PCDHGA5: variants seen among roughly 807,000 people sequenced by gnomAD.
The protein encoded by PCDHGA5 is protocadherin gamma subfamily A, 5, also known as protocadherin gamma-A5.
In PCDHGA5, 36 loss-of-function variants were observed where a neutral mutation model predicts 56.7. That is an observed-to-expected ratio of 0.64 (90% CI 0.49 to 0.84). PCDHGA5 has a LOEUF of 0.84. Among genes scored for constraint, PCDHGA5 ranks in the 40% least tolerant of loss-of-function variants. The pLI, the probability that PCDHGA5 is intolerant of heterozygous loss-of-function variation, is 0.00. For synonymous variants in PCDHGA5, 563 were observed against 520.2 expected, an observed-to-expected ratio of 1.08 and a Z score of -1.12; for missense variants, 1,305 against 1,201.5, an observed-to-expected ratio of 1.09 and a Z score of -1.27.
intron 1 of PCDHGA5, chr5:141,389,451 C>T: frequency 6.2e-7 from 1 of 1,610,536 alleles, no homozygotes; most frequent in South Asian, 1.1e-5. Context: ...CCACGAGCAG[C>T]TGCGCGCCTT....
chr5:141,424,203 GC>G (rs777832241), intron 1 of PCDHGA5: 3 of 175,740 alleles, frequency 1.7e-5, no homozygotes, highest in Non-Finnish European at 3.6e-5. Flanking sequence ...ATACACGTAA[GC>G]TTTTCTCTGA....
intron 1 of PCDHGA5, chr5:141,379,738 A>T (rs1218280067): frequency 1.3e-5 from 2 of 152,158 alleles, no homozygotes; most frequent in Non-Finnish European, 2.9e-5. Flanking sequence ...GTTATGGCTA[A>T]ATGAGGTTCT....
At chr5:141,499,186 T>A (rs1332703037) in intron 2 of PCDHGA5, among the ~76,000 whole-genome samples, 2 of 152,036 alleles carry the variant, frequency 1.3e-5, no homozygotes, top group Non-Finnish European at 2.9e-5. Context: ...AGCAAACCAT[T>A]TCCCCCTTCT....
At chr5:141,507,003 G>A (rs569257489) in intron 3 of PCDHGA5, 3 of 152,342 alleles carry the variant, frequency 2.0e-5, no homozygotes, top group African/African-American at 7.2e-5. Context: ...CGACAGATGA[G>A]AGAACCGAGA....
Position 141,485,418 on chromosome 5 carries a change from G to A in PCDHGA5, c.2422-9389G>A. ...CACTTCCGTGTGGATTTGGACAGCG[G>A]AGCCCTGCTCATCAAGAACCCAATC... On this transcript the variant is annotated intron_variant, in intron 1 of 3. Transcript: ENST00000518069. This position sits in a 1 kb window ranked among gnomAD's most constrained non-coding sequence, Gnocchi z 5.7. 6.2e-7 allele frequency: 1 copy of A among 1,614,174 alleles called. No homozygotes were observed. The highest frequency in any genetic ancestry group is 8.5e-7 in the Non-Finnish European group (1 of 1,180,042).
chr5:141,426,173 G>A (rs2096919271), intron 1 of PCDHGA5: 1 of 155,348 alleles, frequency 6.4e-6, no homozygotes, highest in African/African-American at 2.4e-5. Flanking sequence ...TACGGATTGG[G>A]GTGCCCTCAA....
Position 141,431,520 on chromosome 5 carries a change from A to T in PCDHGA5, c.2422-63287A>T. ...GAGTACCGCGCGAGCGTTCCGGAGA[A>T]TCTGGCCTTGGGCACGCAGCTGCTT... On this transcript the variant is annotated intron_variant, in intron 1 of 3. Transcript: ENST00000518069. The surrounding 1 kb of genome is among the most constrained non-coding windows in gnomAD (Gnocchi z 4.8). 6.2e-7 allele frequency: 1 copy of T among 1,614,068 alleles called. No homozygotes were observed. Among genetic ancestry groups the T allele is most frequent in the Non-Finnish European group, 8.5e-7 (1 of 1,180,020 alleles).
At chr5:141,427,840 A>C (rs779622800) in intron 1 of PCDHGA5, 8 of 1,548,180 alleles carry the variant, frequency 5.2e-6, no homozygotes, top group Admixed American at 3.3e-5. Flanking sequence ...CGTGCCTTCG[A>C]CCACGAGCAG....
chr5:141,450,633 C>T (rs751572851), intron 1 of PCDHGA5, among the ~76,000 whole-genome samples: 2 of 149,416 alleles, frequency 1.3e-5, no homozygotes, highest in East Asian at 2.0e-4. Flanking sequence ...ATTACAGATG[C>T]CTGCCACCAT....
At chr5:141,478,215 T>C (rs764444582) in intron 1 of PCDHGA5, 11 of 1,614,118 alleles carry the variant, frequency 6.8e-6, no homozygotes. Context: ...TCTCTAATCC[T>C]GGTTTCTGTG....
At chr5:141,427,470 G>A (rs765970767) in intron 1 of PCDHGA5, 8 of 509,992 alleles carry the variant, frequency 1.6e-5, no homozygotes, top group African/African-American at 7.7e-5. Flanking sequence ...CGAATCTTCC[G>A]CCAATAATGA....
chr5:141,431,405 G>A lies in PCDHGA5; in HGVS notation c.2422-63402G>A, dbSNP rs2097369508. Reference sequence around the variant, plus strand: ...TCACCACCTGGTCCTTACGGCCTCCGACGGGGGCGACCCGGTGCGCACAGG... The same window carrying A: ...TCACCACCTGGTCCTTACGGCCTCCAACGGGGGCGACCCGGTGCGCACAGG... On this transcript the variant is annotated intron_variant, in intron 1 of 3. Transcript: ENST00000518069. The surrounding 1 kb of genome is among the most constrained non-coding windows in gnomAD (Gnocchi z 4.8). 1 of 1,613,614 alleles carries A rather than the reference G, an allele frequency of 6.2e-7. No individual in the cohort carries two copies.
At chr5:141,409,960 C>T (rs1182396334) in intron 1 of PCDHGA5, 1 of 1,613,416 alleles carries the variant, frequency 6.2e-7, no homozygotes. Context: ...AGCCCGGCTA[C>T]CTAGTGACTA....
At chr5:141,467,055 CTT>C (rs1193465269) in intron 1 of PCDHGA5, among the ~76,000 whole-genome samples, 47 of 134,388 alleles carry the variant, frequency 3.5e-4, no homozygotes, top group Admixed American at 6.0e-4. Context: ...TCAATGTTTT[CTT>C]TTTTTTTTTT....
rs576318312 is a variant in PCDHGA5, at chr5:141,410,171, A to G, written c.2421+43420A>G. On this transcript the variant is annotated intron_variant, in intron 1 of 3. Coordinates refer to ENST00000518069, the MANE Select transcript of PCDHGA5 (RefSeq NM_018918.3). ...CGGTGGACAGCCGCCACTCTCTGCCACCGCCACGCTTCATCTGGTCTTCGC... is the reference window on the plus strand; with the variant it reads ...CGGTGGACAGCCGCCACTCTCTGCCGCCGCCACGCTTCATCTGGTCTTCGC... 181 of 1,613,780 alleles carry G rather than the reference A, an allele frequency of 1.1e-4. 1 individual carries two copies. The East Asian group carries it at 4.0e-3, about 36-fold the overall frequency.
At position 141,384,265 on chromosome 5, in the gene PCDHGA5, T is replaced by C. The variant is rs553615154; in HGVS notation, c.2421+17514T>C. 81 of 1,613,814 alleles carry C rather than the reference T, an allele frequency of 5.0e-5. No individual in the cohort carries two copies. In the South Asian group the frequency reaches 7.4e-4, roughly 15 times the overall value. Reference sequence around the variant, plus strand: ...TAACCCACCCACCTTCCCCCACTCATCCTACTCAGTCTACATCGCTGAGAA... The same window carrying C: ...TAACCCACCCACCTTCCCCCACTCACCCTACTCAGTCTACATCGCTGAGAA... On this transcript the variant is annotated intron_variant, in intron 1 of 3. Coordinates refer to ENST00000518069, the MANE Select transcript of PCDHGA5 (RefSeq NM_018918.3).
chr5:141,451,874 C>T (rs1264178631), intron 1 of PCDHGA5, among the ~76,000 whole-genome samples: 1 of 151,956 alleles, frequency 6.6e-6, no homozygotes, highest in Non-Finnish European at 1.5e-5. Context: ...GAATGAAACC[C>T]TGTCAAGAAA....
In PCDHGA5 at chr5:141,365,654, G is replaced by A. The variant is rs952946348; in HGVS notation, c.1324G>A (p.Val442Ile). 4 of 1,613,378 alleles carry A rather than the reference G, an allele frequency of 2.5e-6. No homozygotes were observed. The highest frequency in any genetic ancestry group is 3.4e-6 in the Non-Finnish European group (4 of 1,179,812). Residue 442 changes from valine (V) to isoleucine (I), a missense_variant, in exon 1 of 4, where the codon GTA (valine) becomes ATA (isoleucine). Coordinates refer to ENST00000518069, the MANE Select transcript of PCDHGA5 (RefSeq NM_018918.3). ...TACAGAAAGCCACATCCCCTTGAAA[G>A]TAGCAGACGTTAATGACAACCCACC... is the stretch of plus-strand genomic sequence containing the variant. ...LSTESHIPLKVADVNDNPPNF... is the reference protein window; with the variant it reads ...LSTESHIPLKIADVNDNPPNF...
intron 1 of PCDHGA5, among the ~76,000 whole-genome samples, chr5:141,459,014 T>C (rs1429233660): frequency 6.6e-6 from 1 of 152,240 alleles, no homozygotes; most frequent in East Asian, 1.9e-4. Context: ...ATTACAGGCA[T>C]GAGCCACCAC....
Sources: gnomAD v4.1 joint callset for allele counts (sites outside exome capture counted in the v4.1 genomes callset) on GRCh38, gnomAD v4.1.1 for gene constraint, Gnocchi (gnomAD v3.1) non-coding constraint, MANE v1.5 for transcripts, NCBI Gene and HGNC (gene_info 2026-07-23, HGNC 2026-07-21) for gene names.